Variants in PIN4 observed in about 807,000 individuals in gnomAD.
PIN4 encodes the protein peptidyl-prolyl cis-trans isomerase NIMA-interacting 4.
In PIN4, 3 loss-of-function variants were observed where a neutral mutation model predicts 8.3. The ratio of observed to expected loss-of-function variants is 0.36; its 90% CI spans 0.16 to 0.93. PIN4 has a LOEUF of 0.93. Ranked by LOEUF, PIN4 falls within the 40% of genes least tolerant of loss-of-function variation. The pLI is 0.44. For synonymous variants in PIN4, 18 were observed against 32.5 expected (o/e 0.55, Z 1.52); for missense variants, 75 against 100.6 (o/e 0.75, Z 1.09).
intron 3 of PIN4, among the ~76,000 whole-genome samples, chrX:72,230,969 T>C (rs774889454): frequency 2.7e-5 from 3 of 111,560 alleles, no homozygotes; most frequent in South Asian, 7.4e-4. Flanking sequence ...TGTCTCTAAA[T>C]AAATAAATAC....
downstream of PIN4, among the ~76,000 whole-genome samples, chrX:72,203,188 G>A (rs2042797506): frequency 8.9e-6 from 1 of 112,114 alleles, no homozygotes; most frequent in Non-Finnish European, 1.9e-5. Context: ...AATGTTGGGA[G>A]GGTGGTGTGC....
At chrX:72,207,925 C>T (rs1484282759) in intron 3 of PIN4, 1 of 1,211,301 alleles carries the variant, frequency 8.3e-7, no homozygotes, top group Non-Finnish European at 1.1e-6. Flanking sequence ...TTTTAATGTT[C>T]CCAGCAGGGA....
chrX:72,203,709 G>A (rs56383455), intron 3 of PIN4, among the ~76,000 whole-genome samples: 27,532 of 110,635 alleles, frequency 0.25, 2,616 homozygotes, highest in East Asian at 0.5. Context: ...GGGAAGTCAC[G>A]GCCTCACTGA....
downstream of PIN4, among the ~76,000 whole-genome samples, chrX:72,202,382 C>CT (rs2042793376): frequency 8.9e-6 from 1 of 112,450 alleles, no homozygotes; most frequent in South Asian, 3.6e-4. Flanking sequence ...ATTCCTAGGA[C>CT]TTAGACGCTT....
Position 72,246,522 on chromosome X carries a change from A to G in PIN4, c.313-16185A>G, listed in dbSNP as rs1381469118. Among the ~76,000 whole-genome samples, 6 of 111,485 alleles carry G rather than the reference A, an allele frequency of 5.4e-5. No individual in the cohort carries two copies. In the Admixed American group the frequency reaches 5.7e-4, roughly 11 times the overall value. Reference sequence around the variant, plus strand: ...TCAAAGCCCCCTCGTTTCCCTCAAGATCAAGTCCTGCCTCCTTACCATGGC... The same window carrying G: ...TCAAAGCCCCCTCGTTTCCCTCAAGGTCAAGTCCTGCCTCCTTACCATGGC... On this transcript the variant is annotated intron_variant, in intron 3 of 3. Coordinates refer to the PIN4 transcript ENST00000423432.
chrX:72,188,877 A>G lies in PIN4; in HGVS notation c.117+2343A>G, dbSNP rs1409452496. Among the ~76,000 whole-genome samples the G allele has an allele frequency of 4.5e-5, 5 of 112,083 alleles. No individual in the cohort carries two copies. The East Asian group carries it at 8.4e-4, about 19-fold the overall frequency. On this transcript the variant is annotated intron_variant, in intron 2 of 3. Transcript: ENST00000373669. Reference sequence around the variant, plus strand: ...CCTCTCTGGAAAAAAAATAAGTTCAATGTGGCCACTCATGAGATATATGGA... The same window carrying G: ...CCTCTCTGGAAAAAAAATAAGTTCAGTGTGGCCACTCATGAGATATATGGA...
intron 3 of PIN4, among the ~76,000 whole-genome samples, chrX:72,233,774 A>G (rs1193962060): frequency 9.2e-6 from 1 of 108,263 alleles, no homozygotes; most frequent in East Asian, 2.9e-4. Flanking sequence ...CAATGAATTC[A>G]TTTATTTTGT....
chrX:72,208,734 C>A, intron 3 of PIN4: 1 of 1,074,694 alleles, frequency 9.3e-7, no homozygotes, highest in Admixed American at 2.9e-5. Flanking sequence ...AGAAAGGAAA[C>A]ATTGAACATT....
intron 1 of PIN4, among the ~76,000 whole-genome samples, chrX:72,185,152 A>AAAAAAAAAAAC (rs2042694460): frequency 1.9e-5 from 2 of 102,866 alleles, no homozygotes; most frequent in East Asian, 3.0e-4. Context: ...CGTCTCAAAA[A>AAAAAAAAAAAC]AAAAAAAAAA....
intron 2 of PIN4, 32 bp from the exon 3 acceptor site, chrX:72,196,753 A>G (rs1244779618): frequency 8.4e-7 from 1 of 1,183,453 alleles, no homozygotes; most frequent in East Asian, 3.0e-5. Flanking sequence ...TTGGGTCTCC[A>G]AGTATTACAT....
chrX:72,181,810 T>A lies in PIN4; in HGVS notation c.25T>A (p.Ser9Thr), dbSNP rs1406000209. The A allele has an allele frequency of 8.5e-7, 1 of 1,170,375 alleles. No homozygotes were observed. The highest frequency in any genetic ancestry group is 2.2e-5 in the Admixed American group (1 of 44,971). The stretch of plus-strand genomic sequence containing the variant: ...GATGCCGCCCAAAGGAAAAAGTGGT[T>A]CTGGAAAAGCGGGGAAAGGTAGAGC... MPPKGKSGSGKAGKGGAAS... is the reference protein window; with the variant it reads MPPKGKSGTGKAGKGGAAS... The change falls in exon 1 of 4, where the codon TCT becomes ACT. Residue 9 changes from serine to threonine, a missense_variant. Ser to Thr is a moderately conservative substitution (Grantham distance 58, BLOSUM62 1). Coordinates refer to ENST00000373669, the MANE Select transcript of PIN4 (RefSeq NM_006223.4).
intron 3 of PIN4, among the ~76,000 whole-genome samples, chrX:72,204,370 G>A (rs770461568): frequency 4.4e-5 from 5 of 112,481 alleles, no homozygotes; most frequent in African/African-American, 1.6e-4. Flanking sequence ...ATCTGGGCCT[G>A]TGTGGAAAGG....
At chrX:72,213,563 G>A (rs1049738344) in intron 3 of PIN4, among the ~76,000 whole-genome samples, 4 of 111,907 alleles carry the variant, frequency 3.6e-5, no homozygotes, top group South Asian at 3.7e-4. Flanking sequence ...GTTTGCCACC[G>A]TTGCAGACCC....
At chrX:72,231,540 A>G (rs1222524341) in intron 3 of PIN4, among the ~76,000 whole-genome samples, 3 of 110,953 alleles carry the variant, frequency 2.7e-5, no homozygotes, top group Middle Eastern at 8.5e-3. Context: ...ATATTTCAAA[A>G]TAGCTAAAAG....
downstream of PIN4, among the ~76,000 whole-genome samples, chrX:72,203,233 T>C (rs988306731): frequency 8.9e-6 from 1 of 111,947 alleles, no homozygotes; most frequent in African/African-American, 3.2e-5. Context: ...ACCACCCCCA[T>C]ACCTTGCCCT....
chrX:72,211,908 G>A (rs1405852924), intron 3 of PIN4, among the ~76,000 whole-genome samples: 1 of 112,198 alleles, frequency 8.9e-6, no homozygotes, highest in Non-Finnish European at 1.9e-5. Flanking sequence ...AAACTGCCCA[G>A]TTGCTAACCC....
In PIN4 at chrX:72,238,953, A is replaced by T. The variant is rs774646554; in HGVS notation, c.313-23754A>T. 1.4e-5 allele frequency: 13 copies of T among 958,222 alleles called. No individual in the cohort carries two copies. The South Asian group carries it at 2.7e-4, about 20-fold the overall frequency. 79.0% of individuals were successfully genotyped at this position (958,222 alleles called of 1,213,427 possible). A position where few individuals can be genotyped will look rare whatever the true frequency, so the allele number is the denominator to read the frequency against. ...TCCAGTTACCCCGGCGGGAGTTTGG[A>T]GCTTGGAGCTTGGAGCTTGGAGCTT... On this transcript the variant is annotated intron_variant, in intron 3 of 3. Transcript: ENST00000423432.
intron 2 of PIN4, among the ~76,000 whole-genome samples, chrX:72,189,058 GGGAGGCTGAGGTA>G (rs1215430309): frequency 9.0e-6 from 1 of 111,309 alleles, no homozygotes; most frequent in East Asian, 2.8e-4. Flanking sequence ...CCAGCTACTT[GGGAGGCTGAGGTA>G]GGAGGATTGT....
In PIN4 at chrX:72,197,624, T is replaced by C; in HGVS notation, c.*98T>C. ...GAGCTGCAAGGAAATACAAAAATTT[T>C]TAAAAAGAAAAGATATTGGATGCTC... On this transcript the variant is annotated 3_prime_UTR_variant, in exon 4 of 4. Coordinates refer to ENST00000373669, the MANE Select transcript of PIN4 (RefSeq NM_006223.4). 1 of 1,097,700 alleles carries C rather than the reference T, an allele frequency of 9.1e-7. No homozygotes were observed. The highest frequency in any genetic ancestry group is 1.9e-5 in the African/African-American group (1 of 53,930). 90.5% of individuals were successfully genotyped at this position (1,097,700 alleles called of 1,213,427 possible). A position where few individuals can be genotyped will look rare whatever the true frequency, so the allele number is the denominator to read the frequency against.
Sources: gnomAD v4.1 joint callset for allele counts (sites outside exome capture counted in the v4.1 genomes callset) on GRCh38, gnomAD v4.1.1 for gene constraint, MANE v1.5 for transcripts, NCBI Gene and HGNC (gene_info 2026-07-23, HGNC 2026-07-21) for gene names.